AGBL1: variants seen among roughly 807,000 people sequenced by gnomAD.
AGBL1 encodes the protein cytosolic carboxypeptidase 4.
AGBL1 carries 130 observed loss-of-function variants against 118.9 expected under a neutral mutation model. The observed-to-expected ratio is 1.09, with a 90% CI of 0.95 to 1.26. The LOEUF is 1.26. Ranked by LOEUF, AGBL1 falls within the 50% of genes most tolerant of loss-of-function variation. The pLI is 0.00. For missense variants in AGBL1, 1,584 were observed against 1,298.1 expected, an observed-to-expected ratio of 1.22 and a Z score of -3.38; for synonymous variants, 555 against 478.9, an observed-to-expected ratio of 1.16 and a Z score of -2.08.
chr15:86,925,657 T>C (rs2080528207), intron 23 of AGBL1, among the ~76,000 whole-genome samples: 1 of 152,004 alleles, frequency 6.6e-6, no homozygotes, highest in South Asian at 2.1e-4. Flanking sequence ...CTTCCTCTCA[T>C]TGATGGGAGT....
chr15:86,594,231 G>A (rs1323624539), intron 21 of AGBL1, among the ~76,000 whole-genome samples: 3 of 152,080 alleles, frequency 2.0e-5, no homozygotes, highest in African/African-American at 7.2e-5. Flanking sequence ...TTTAAACCAA[G>A]CTTGCATCCC....
At chr15:86,578,317 C>T (rs2084122974) in intron 21 of AGBL1, among the ~76,000 whole-genome samples, 1 of 152,180 alleles carries the variant, frequency 6.6e-6, no homozygotes, top group African/African-American at 2.4e-5. Context: ...TCATTTTGGC[C>T]AATTTCTCCC....
intron 21 of AGBL1, among the ~76,000 whole-genome samples, chr15:86,614,856 G>A (rs2084700518): frequency 6.6e-6 from 1 of 152,202 alleles, no homozygotes; most frequent in Non-Finnish European, 1.5e-5. Context: ...TAGACAAAGA[G>A]AAGAGACAAT....
rs541563712 is a variant in AGBL1, at chr15:86,915,814, ACCT to A, written c.*8524_*8526del. The A allele has an allele frequency of 2.6e-5, 4 of 151,958 alleles. No individual in the cohort carries two copies. The highest frequency in any genetic ancestry group is 6.6e-5 in the Admixed American group (1 of 15,248). The allele number at this position is 151,958 out of a possible 1,614,324, so 9.4% of individuals were successfully genotyped here. ...CTGTTAGAACGGTCTCCTGAGAATG[ACCT>A]CCTACCCGTTGCCTCAGTAACCTCT... is the stretch of plus-strand genomic sequence containing the variant. On this transcript the variant is annotated 3_prime_UTR_variant, in exon 23 of 23. Coordinates refer to ENST00000614907, the MANE Select transcript of AGBL1 (RefSeq NM_001386094.1).
intron 5 of AGBL1, among the ~76,000 whole-genome samples, chr15:86,205,255 G>A (rs1464200398): frequency 1.3e-5 from 2 of 152,128 alleles, no homozygotes; most frequent in Non-Finnish European, 1.5e-5. Context: ...GCACTTAAGG[G>A]TTCTCTGTGT....
chr15:86,685,383 C>G (rs187484319), intron 22 of AGBL1, among the ~76,000 whole-genome samples: 2 of 151,974 alleles, frequency 1.3e-5, no homozygotes, highest in African/African-American at 4.8e-5. Flanking sequence ...TATTGGAAAA[C>G]GAAGATAACT....
chr15:86,140,192 T>A (rs1201349230), intron 1 of AGBL1: 1 of 152,696 alleles, frequency 6.5e-6, no homozygotes, highest in Non-Finnish European at 1.5e-5. Flanking sequence ...AATCAATTAG[T>A]TGATTTTTTC....
chr15:86,595,144 T>G (rs1382120996), intron 21 of AGBL1, among the ~76,000 whole-genome samples: 1 of 152,210 alleles, frequency 6.6e-6, no homozygotes, highest in African/African-American at 2.4e-5. Context: ...GAAGCTCTGT[T>G]CTTGGTCATC....
intron 18 of AGBL1, among the ~76,000 whole-genome samples, chr15:86,502,662 T>C (rs1438193371): frequency 6.6e-6 from 1 of 151,376 alleles, no homozygotes; most frequent in Non-Finnish European, 1.5e-5. Context: ...GTTTTTTCAG[T>C]AGCTCTTGAG....
chr15:86,644,421 A>T (rs1225614929), intron 21 of AGBL1, among the ~76,000 whole-genome samples: 3 of 152,180 alleles, frequency 2.0e-5, no homozygotes, highest in African/African-American at 7.2e-5. Context: ...ACACTCACAA[A>T]ATCAGCACCT....
intron 21 of AGBL1, among the ~76,000 whole-genome samples, chr15:86,602,930 G>A (rs532237725): frequency 6.6e-6 from 1 of 152,138 alleles, no homozygotes; most frequent in Non-Finnish European, 1.5e-5. Context: ...ATTCATAATA[G>A]TGACACCTCT....
At chr15:86,466,182 C>T (rs574060700) in intron 18 of AGBL1, among the ~76,000 whole-genome samples, 1 of 152,270 alleles carries the variant, frequency 6.6e-6, no homozygotes, top group South Asian at 2.1e-4. Context: ...TTCTTGGAGT[C>T]TTTGTTCCTT....
At chr15:86,433,263 CTTCTTTTTTTTT>C (rs1208756796) in intron 18 of AGBL1, among the ~76,000 whole-genome samples, 2 of 54,948 alleles carry the variant, frequency 3.6e-5, no homozygotes, top group African/African-American at 1.6e-4. Flanking sequence ...CCTCCTCCTT[CTTCTTTTTTTTT>C]TTTTTTTTTT....
intron 18 of AGBL1, among the ~76,000 whole-genome samples, chr15:86,481,307 T>G (rs1203975274): frequency 6.6e-6 from 1 of 151,948 alleles, no homozygotes; most frequent in Admixed American, 6.6e-5. Context: ...AAAAAGGAAG[T>G]CAAAGTCTAT....
intron 22 of AGBL1, among the ~76,000 whole-genome samples, chr15:86,729,230 AAAATAGCTC>A (rs566248474): frequency 3.5e-4 from 54 of 152,330 alleles, no homozygotes; most frequent in African/African-American, 1.3e-3. Flanking sequence ...TTTTAACTGA[AAAATAGCTC>A]AAATGATTAA....
At position 86,912,640 on chromosome 15, in the gene AGBL1, A is replaced by G. The variant is rs1430693952; in HGVS notation, c.*5346A>G. On this transcript the variant is annotated 3_prime_UTR_variant, in exon 23 of 23. Transcript: ENST00000614907. ...ACACCCTTTCATTTATCAGCCTGGA[A>G]AATGGTGCCGTAGAGTCGATTTCAT... The G allele has an allele frequency of 2.0e-5, 3 of 152,172 alleles. No homozygotes were observed. Among genetic ancestry groups the G allele is most frequent in the Non-Finnish European group, 4.4e-5 (3 of 68,040 alleles). 9.4% of individuals were successfully genotyped at this position (152,172 alleles called of 1,614,324 possible).
At chr15:86,532,971 T>A (rs1262401098) in intron 19 of AGBL1, among the ~76,000 whole-genome samples, 5 of 101,962 alleles carry the variant, frequency 4.9e-5, no homozygotes, top group South Asian at 7.4e-4. Context: ...CAAGATGGAT[T>A]AAAGATTTAA....
At chr15:86,608,937 G>A (rs544371410) in intron 21 of AGBL1, among the ~76,000 whole-genome samples, 29 of 152,250 alleles carry the variant, frequency 1.9e-4, no homozygotes, top group African/African-American at 6.3e-4. Flanking sequence ...GGTTTGCATC[G>A]CTAGTGACTT....
At chr15:86,530,285 C>CA (rs1236461825) in intron 19 of AGBL1, among the ~76,000 whole-genome samples, 5 of 111,004 alleles carry the variant, frequency 4.5e-5, no homozygotes, top group Admixed American at 3.2e-4. Context: ...CAATGGAAAA[C>CA]AAAAAAAGGC....
Sources: gnomAD v4.1 joint callset for allele counts (sites outside exome capture counted in the v4.1 genomes callset) on GRCh38, gnomAD v4.1.1 for gene constraint, MANE v1.5 for transcripts, NCBI Gene and HGNC (gene_info 2026-07-23, HGNC 2026-07-21) for gene names.